The following FSD1L variants were observed in gnomAD, a reference collection of about 807,000 sequenced individuals.
FSD1L encodes the protein fibronectin type III and SPRY domain containing 1 like, also known as FSD1-like protein.
FSD1L carries 45 observed loss-of-function variants against 71.6 expected under a neutral mutation model. The observed-to-expected ratio is 0.63, with a 90% CI of 0.49 to 0.81. FSD1L has a LOEUF of 0.81. Ranked by LOEUF, FSD1L falls within the 30% of genes least tolerant of loss-of-function variation. The pLI, the probability that FSD1L is intolerant of heterozygous loss-of-function variation, is 0.00. For missense variants in FSD1L, 561 were observed against 618.1 expected, an observed-to-expected ratio of 0.91 and a Z score of 0.98; for synonymous variants, 197 against 207.2, an observed-to-expected ratio of 0.95 and a Z score of 0.42.
chr9:105,520,096 G>T, intron 10 of FSD1L: 2 of 1,546,324 alleles, frequency 1.3e-6, no homozygotes, highest in African/African-American at 1.4e-5. Flanking sequence ...GGCTGTGGCA[G>T]TGGCAGTGGC....
intron 1 of FSD1L, among the ~76,000 whole-genome samples, chr9:105,456,918 T>G (rs2131585853): frequency 6.6e-6 from 1 of 152,332 alleles, no homozygotes; most frequent in South Asian, 2.1e-4. Context: ...CCTTTATTCA[T>G]CTCTGTTTAT....
chr9:105,500,412 G>T (rs1305327439), intron 7 of FSD1L, among the ~76,000 whole-genome samples: 1 of 152,168 alleles, frequency 6.6e-6, no homozygotes, highest in Non-Finnish European at 1.5e-5. Flanking sequence ...GGTGGAACAG[G>T]ATGGCTGGAG....
chr9:105,487,523 T>C (rs1374927479), intron 7 of FSD1L, among the ~76,000 whole-genome samples: 1 of 152,142 alleles, frequency 6.6e-6, no homozygotes, highest in Non-Finnish European at 1.5e-5. Context: ...TGTCATATTT[T>C]CATAAGCCAC....
At chr9:105,493,072 G>C (rs371195033) in intron 7 of FSD1L, among the ~76,000 whole-genome samples, 1 of 152,062 alleles carries the variant, frequency 6.6e-6, no homozygotes, top group African/African-American at 2.4e-5. Context: ...TTTCTGTCTC[G>C]TTGATCTGTC....
intron 1 of FSD1L, among the ~76,000 whole-genome samples, chr9:105,453,044 G>GT (rs774826229): frequency 0.041 from 3,609 of 88,248 alleles, 130 homozygotes; most frequent in African/African-American, 0.096. Flanking sequence ...ACCTAAAGTT[G>GT]TTTTTTTTTT....
chr9:105,453,299 C>T (rs1402651487), intron 1 of FSD1L, among the ~76,000 whole-genome samples: 1 of 151,880 alleles, frequency 6.6e-6, no homozygotes, highest in East Asian at 1.9e-4. Flanking sequence ...CTTGTGTCTT[C>T]GCCTCCCTCG....
chr9:105,544,786 ATC>A (rs1564157731), intron 13 of FSD1L, among the ~76,000 whole-genome samples: 1 of 151,998 alleles, frequency 6.6e-6, no homozygotes, highest in Non-Finnish European at 1.5e-5. Context: ...ATTGGTCTAT[ATC>A]TCTGTTTTGG....
At chr9:105,442,685 C>T in the FSD1L span, among the ~76,000 whole-genome samples, 1 of 149,584 alleles carries the variant, frequency 6.7e-6, no homozygotes, top group East Asian at 1.9e-4. Flanking sequence ...CAGACCCTGT[C>T]TCAAAGAAAA....
At chr9:105,471,725 TA>T (rs1831481460) in intron 4 of FSD1L, among the ~76,000 whole-genome samples, 178 bp from the exon 5 acceptor site, 1 of 28,748 alleles carries the variant, frequency 3.5e-5, no homozygotes, top group African/African-American at 2.3e-4. Context: ...TAACACGTTT[TA>T]TATATATATA....
At chr9:105,529,331 T>A (rs1326145460) in intron 10 of FSD1L, among the ~76,000 whole-genome samples, 1 of 152,180 alleles carries the variant, frequency 6.6e-6, no homozygotes, top group Non-Finnish European at 1.5e-5. Context: ...ACACATATGT[T>A]TATCGGGTCA....
intron 7 of FSD1L, among the ~76,000 whole-genome samples, chr9:105,499,113 A>G (rs1833611570): frequency 6.6e-6 from 1 of 152,216 alleles, no homozygotes; most frequent in South Asian, 2.1e-4. Flanking sequence ...ATATTCTGCC[A>G]TTGTTGGTTG....
At chr9:105,486,631 C>T (rs1832566781) in intron 7 of FSD1L, among the ~76,000 whole-genome samples, 1 of 152,208 alleles carries the variant, frequency 6.6e-6, no homozygotes, top group East Asian at 1.9e-4. Flanking sequence ...CAGAATTTCA[C>T]CCTTCTTCAT....
chr9:105,494,374 G>A (rs1462979573), intron 7 of FSD1L, among the ~76,000 whole-genome samples: 7 of 151,918 alleles, frequency 4.6e-5, no homozygotes, highest in Admixed American at 4.6e-4. Flanking sequence ...GCACTTCTCT[G>A]TATTGGTTAT....
At chr9:105,486,074 T>C (rs2131718755) in intron 7 of FSD1L, among the ~76,000 whole-genome samples, 1 of 150,064 alleles carries the variant, frequency 6.7e-6, no homozygotes, top group Middle Eastern at 3.4e-3. Context: ...TAATGGAACC[T>C]AGGAAGGGGG....
intron 4 of FSD1L, among the ~76,000 whole-genome samples, 162 bp from the exon 5 acceptor site, chr9:105,471,742 A>G (rs906025869): frequency 7.4e-5 from 11 of 147,678 alleles, no homozygotes; most frequent in African/African-American, 2.7e-4. Context: ...ATATATATAT[A>G]TATAACTTGA....
intron 11 of FSD1L, 58 bp from the exon 12 acceptor site, chr9:105,535,009 A>G (rs569423311): frequency 1.3e-6 from 2 of 1,532,188 alleles, no homozygotes; most frequent in East Asian, 4.9e-5. Flanking sequence ...GTGGTAGGTA[A>G]AACTGTGTGA....
chr9:105,469,856 G>A (rs1184900365), intron 4 of FSD1L, among the ~76,000 whole-genome samples: 1 of 152,058 alleles, frequency 6.6e-6, no homozygotes, highest in Non-Finnish European at 1.5e-5. Context: ...ACAGTGTTAT[G>A]AAGCTTTTCC....
intron 10 of FSD1L, among the ~76,000 whole-genome samples, chr9:105,516,440 G>T (rs1329112926): frequency 6.6e-6 from 1 of 152,198 alleles, no homozygotes; most frequent in Non-Finnish European, 1.5e-5. Context: ...ATACAGGAAA[G>T]CTCTGGCTAG....
chr9:105,474,973 A>C (rs1473206626), intron 5 of FSD1L, among the ~76,000 whole-genome samples: 1 of 152,232 alleles, frequency 6.6e-6, no homozygotes, highest in East Asian at 1.9e-4. Flanking sequence ...TAGTAAATTT[A>C]TGCAGACGGA....
Sources: gnomAD v4.1 joint callset for allele counts (sites outside exome capture counted in the v4.1 genomes callset) on GRCh38, gnomAD v4.1.1 for gene constraint, MANE v1.5 for transcripts, NCBI Gene and HGNC (gene_info 2026-07-23, HGNC 2026-07-21) for gene names.